NAV3: variants seen among roughly 807,000 people sequenced by gnomAD.
NAV3 encodes pore membrane and/or filament interacting like protein 1.
In NAV3, 87 loss-of-function variants were observed where a neutral mutation model predicts 244.7. The ratio of observed to expected loss-of-function variants is 0.36; its 90% CI spans 0.30 to 0.42. The LOEUF is 0.42. NAV3 is among the 20% of genes least tolerant of loss of function. NAV3 has a pLI of 1.00. For synonymous variants in NAV3, 1,126 were observed against 1,042.2 expected, an observed-to-expected ratio of 1.08 and a Z score of -1.55; for missense variants, 2,663 against 2,893.3, an observed-to-expected ratio of 0.92 and a Z score of 1.83.
chr12:78,044,580 G>A (rs757376633), intron 9 of NAV3, among the ~76,000 whole-genome samples: 17 of 151,856 alleles, frequency 1.1e-4, no homozygotes, highest in South Asian at 2.1e-4. Context: ...ATGTTTTTTC[G>A]TTTGTTTGTG....
chr12:78,169,809 C>G (rs1274229581), intron 24 of NAV3, among the ~76,000 whole-genome samples: 1 of 151,732 alleles, frequency 6.6e-6, no homozygotes, highest in African/African-American at 2.4e-5. Context: ...TTGTATTAGA[C>G]AGACATGGAA....
At chr12:77,704,897 G>T (rs1477387259) in intron 2 of NAV3, among the ~76,000 whole-genome samples, 1 of 152,096 alleles carries the variant, frequency 6.6e-6, no homozygotes, top group Non-Finnish European at 1.5e-5. Flanking sequence ...GTTTCCCCTA[G>T]GATATTGGAA....
At chr12:77,960,450 T>TATATATACACAC (rs1195862670) in intron 3 of NAV3, among the ~76,000 whole-genome samples, 205 of 144,394 alleles carry the variant, frequency 1.4e-3, no homozygotes, top group African/African-American at 5.1e-3. Context: ...TATATATATA[T>TATATATACACAC]ACACACACAC....
intron 9 of NAV3, among the ~76,000 whole-genome samples, chr12:78,039,133 T>C (rs1880420202): frequency 6.6e-6 from 1 of 152,176 alleles, no homozygotes; most frequent in African/African-American, 2.4e-5. Flanking sequence ...ATAGCTGTGA[T>C]ATGAATAATC....
intron 2 of NAV3, among the ~76,000 whole-genome samples, chr12:77,807,531 C>A (rs1191244856): frequency 1.3e-5 from 2 of 152,226 alleles, no homozygotes; most frequent in Admixed American, 1.3e-4. Flanking sequence ...TGAAGGGTTT[C>A]TGCCGAGAGA....
Position 77,960,446 on chromosome 12 carries a change from T to TACACACAC in NAV3, c.415-5782_415-5781insCACACACA, listed in dbSNP as rs1163299447. The stretch of plus-strand genomic sequence containing the variant: ...TACATTCTGGCCAGTCATATATATA[T>TACACACAC]ATATACACACACACACACACACACA... On this transcript the variant is annotated intron_variant, in intron 3 of 39. Transcript: ENST00000397909. Among the ~76,000 whole-genome samples the TACACACAC allele has an allele frequency of 1.9e-3, 124 of 63,808 alleles. 1 individual carries two copies. The highest frequency in any genetic ancestry group is 3.1e-3 in the Admixed American group (15 of 4,856). The allele number at this position is 63,808 out of a possible 152,430, so 41.9% of individuals were successfully genotyped here.
intron 5 of NAV3, among the ~76,000 whole-genome samples, chr12:77,971,356 T>C (rs982532625): frequency 2.6e-5 from 4 of 152,102 alleles, no homozygotes; most frequent in Non-Finnish European, 4.4e-5. Flanking sequence ...TTAATAAAAG[T>C]AGTATTCAGG....
intron 1 of NAV3, among the ~76,000 whole-genome samples, chr12:77,865,345 A>G (rs991160143): frequency 1.4e-5 from 2 of 147,464 alleles, no homozygotes; most frequent in African/African-American, 5.0e-5. Context: ...TTACCCTCAT[A>G]ATGTCTATAA....
intron 1 of NAV3, among the ~76,000 whole-genome samples, chr12:77,923,598 A>G (rs1887917186): frequency 6.6e-6 from 1 of 152,168 alleles, no homozygotes; most frequent in Admixed American, 6.6e-5. Context: ...TATAACAAAC[A>G]AAATGACCTA....
chr12:78,083,790 G>A (rs762126423), intron 12 of NAV3, among the ~76,000 whole-genome samples: 99 of 152,184 alleles, frequency 6.5e-4, no homozygotes, highest in Non-Finnish European at 1.2e-3. Context: ...AATCTGACCA[G>A]TGCCTGCAAT....
rs2031243451 is a variant in NAV3 at position 77,844,963 on chromosome 12, A to G, written c.243+13259A>G. Among the ~76,000 whole-genome samples, 14 of 152,310 alleles carry G rather than the reference A, an allele frequency of 9.2e-5. No homozygotes were observed. The South Asian group carries it at 2.9e-3, about 32-fold the overall frequency. On this transcript the variant is annotated intron_variant, in intron 1 of 39. Coordinates refer to ENST00000397909, the MANE Select transcript of NAV3 (RefSeq NM_001024383.2). ...TAATTGTAGCCAGAAATAAAAGCGT[A>G]CTGTTATAGCATCATAATAACGTTA...
At chr12:77,637,399 T>C (rs545643575) in intron 2 of NAV3, among the ~76,000 whole-genome samples, 153 of 152,274 alleles carry the variant, frequency 1.0e-3, no homozygotes, top group African/African-American at 3.6e-3. Flanking sequence ...CTATACTTCT[T>C]TGTCTTCAGG....
chr12:77,730,273 G>T (rs1877060629), intron 2 of NAV3, among the ~76,000 whole-genome samples: 1 of 151,712 alleles, frequency 6.6e-6, no homozygotes, highest in African/African-American at 2.4e-5. Flanking sequence ...TTTTTAAAAA[G>T]CAATAACTGA....
At chr12:78,148,810 C>A in intron 21 of NAV3, 32 bp from the exon 22 acceptor site, 8 of 1,567,974 alleles carry the variant, frequency 5.1e-6, no homozygotes, top group Non-Finnish European at 7.0e-6. Context: ...AATCTACTTG[C>A]CTATTCCATT....
intron 2 of NAV3, among the ~76,000 whole-genome samples, chr12:77,704,924 T>C (rs1433775294): frequency 2.0e-5 from 3 of 152,224 alleles, no homozygotes; most frequent in Admixed American, 2.0e-4. Context: ...ATCTAGTTTA[T>C]AGTTGTGAAA....
At chr12:77,808,773 A>G (rs1052789016) in intron 2 of NAV3, among the ~76,000 whole-genome samples, 2 of 152,208 alleles carry the variant, frequency 1.3e-5, no homozygotes, top group South Asian at 2.1e-4. Flanking sequence ...AGTTGTGCCC[A>G]TAGCCCCCGC....
chr12:77,930,518 T>C (rs184023699), intron 1 of NAV3, among the ~76,000 whole-genome samples: 1 of 152,112 alleles, frequency 6.6e-6, no homozygotes, highest in Non-Finnish European at 1.5e-5. Context: ...TCTCACACAG[T>C]GCATCAGATT....
At chr12:77,734,851 G>T (rs112580018) in intron 2 of NAV3, among the ~76,000 whole-genome samples, 78 of 152,114 alleles carry the variant, frequency 5.1e-4, no homozygotes, top group African/African-American at 1.6e-3. Flanking sequence ...ATACTAGAAC[G>T]CAAAAACAAC....
chr12:77,654,225 C>T (rs113248909), intron 2 of NAV3, among the ~76,000 whole-genome samples: 7,879 of 152,148 alleles, frequency 0.052, 346 homozygotes, highest in African/African-American at 0.15. Context: ...ACAGACGGCA[C>T]CTGGAAAATC....
Sources: gnomAD v4.1 joint callset for allele counts (sites outside exome capture counted in the v4.1 genomes callset) on GRCh38, gnomAD v4.1.1 for gene constraint, MANE v1.5 for transcripts, NCBI Gene and HGNC (gene_info 2026-07-23, HGNC 2026-07-21) for gene names.